The following MAD1L1 variants were observed in gnomAD, a reference collection of about 807,000 sequenced individuals.
MAD1L1 encodes mitotic spindle assembly checkpoint protein MAD1.
A neutral mutation model predicts 96.9 loss-of-function variants in MAD1L1; 95 were observed. The observed-to-expected ratio is 0.98, with a 90% CI of 0.83 to 1.16. The LOEUF (loss-of-function observed/expected upper bound fraction) is 1.16, where lower values mean the gene tolerates loss of function less well. Among genes scored for constraint, MAD1L1 ranks in the 50% most tolerant of loss-of-function variants. The probability of loss-of-function intolerance (pLI) is 0.00; values close to 1 mark genes in which losing one functional copy is unlikely to be tolerated. For synonymous variants in MAD1L1, 473 were observed against 396.6 expected, an observed-to-expected ratio of 1.19 and a Z score of -2.29; for missense variants, 1,007 against 954.4, an observed-to-expected ratio of 1.06 and a Z score of -0.73.
rs202247127 is a variant in MAD1L1, at chr7:1,898,201, T to G, written c.1997A>C (p.Lys666Thr). ...AEHPGDCLIF[K>T]ATSPSGSKMQ... Reference sequence around the variant, plus strand: ...AGAGCCGTCACACGCAGGACCCACCTTGAAGATGAGGCAGTCGCCTGGGTG... The same window carrying G: ...AGAGCCGTCACACGCAGGACCCACCGTGAAGATGAGGCAGTCGCCTGGGTG... The change falls in exon 18 of 19, where the codon AAG (lysine) becomes ACG (threonine). Residue 666 changes from lysine to threonine, a missense_variant and splice_region_variant. By Grantham distance (78) the Lys-to-Thr change is moderately conservative. Transcript: ENST00000265854. 6 of 1,606,662 alleles carry G rather than the reference T, an allele frequency of 3.7e-6. No homozygotes were observed. The African/African-American group carries it at 6.7e-5, about 18-fold the overall frequency.
intron 18 of MAD1L1, among the ~76,000 whole-genome samples, chr7:1,882,171 G>C (rs572898502): frequency 6.6e-6 from 1 of 152,338 alleles, no homozygotes; most frequent in East Asian, 1.9e-4. Flanking sequence ...TCACCTTACT[G>C]CAAGTACCCC....
intron 10 of MAD1L1, among the ~76,000 whole-genome samples, chr7:2,200,904 G>A (rs575204631): frequency 6.4e-4 from 98 of 152,302 alleles, no homozygotes; most frequent in African/African-American, 2.1e-3. Flanking sequence ...AGCGGGATGC[G>A]GGTGCCGAGT....
Position 2,103,662 on chromosome 7 carries a change from G to T in MAD1L1, c.1074-34324C>A, listed in dbSNP as rs1786935350. ...AACACTGAGACTCGATCCCACAGGG[G>T]AGAAGGAGGGAGCGGCCACGAGGAG... is the stretch of plus-strand genomic sequence containing the variant. On this transcript the variant is annotated intron_variant, in intron 11 of 18. Transcript: ENST00000265854. This position sits in a 1 kb window ranked among gnomAD's most constrained non-coding sequence, Gnocchi z 4.3. Among the ~76,000 whole-genome samples, 1 of 152,188 alleles carries T rather than the reference G, an allele frequency of 6.6e-6. No homozygotes were observed. Among genetic ancestry groups the T allele is most frequent in the South Asian group, 2.1e-4 (1 of 4,828 alleles).
At chr7:1,890,199 T>C (rs897361887) in intron 18 of MAD1L1, among the ~76,000 whole-genome samples, 1 of 152,226 alleles carries the variant, frequency 6.6e-6, no homozygotes, top group Non-Finnish European at 1.5e-5. Context: ...CGTGTTCTGG[T>C]GTGGGTACTG....
At chr7:2,158,269 T>G (rs1789936800) in intron 10 of MAD1L1, among the ~76,000 whole-genome samples, 1 of 152,188 alleles carries the variant, frequency 6.6e-6, no homozygotes, top group South Asian at 2.1e-4. Flanking sequence ...AAGCCACAGC[T>G]ATTTTGGGGC....
At chr7:2,148,255 C>T (rs1458800162) in intron 11 of MAD1L1, 3 of 152,472 alleles carry the variant, frequency 2.0e-5, no homozygotes, top group African/African-American at 7.2e-5. Flanking sequence ...GCTTGATCAT[C>T]AATGGCAAAC....
At chr7:1,901,423 G>T (rs1270578951) in intron 17 of MAD1L1, among the ~76,000 whole-genome samples, 3 of 152,226 alleles carry the variant, frequency 2.0e-5, no homozygotes, top group Admixed American at 6.5e-5. Context: ...GACCCCAGAA[G>T]CCAGTGGCAG....
At chr7:2,185,670 C>A (rs1375489941) in intron 10 of MAD1L1, among the ~76,000 whole-genome samples, 1 of 151,654 alleles carries the variant, frequency 6.6e-6, no homozygotes, top group Non-Finnish European at 1.5e-5. Flanking sequence ...GATTTCTAAA[C>A]AAGTTTCATG....
At chr7:1,917,985 G>A (rs1788520220) in intron 17 of MAD1L1, among the ~76,000 whole-genome samples, 1 of 152,182 alleles carries the variant, frequency 6.6e-6, no homozygotes. Flanking sequence ...CAGACTAGAT[G>A]TGGGGCTGGG....
intron 15 of MAD1L1, among the ~76,000 whole-genome samples, chr7:1,973,831 G>A (rs1780511601): frequency 6.6e-6 from 1 of 152,222 alleles, no homozygotes; most frequent in South Asian, 2.1e-4. Context: ...CTGGACCAGA[G>A]AGCCAGAGCT....
chr7:1,941,577 G>A (rs762577985), intron 16 of MAD1L1, among the ~76,000 whole-genome samples: 14 of 152,340 alleles, frequency 9.2e-5, no homozygotes, highest in Admixed American at 3.9e-4. Context: ...CAAAGCCACC[G>A]TGTCCGGGCT....
intron 15 of MAD1L1, among the ~76,000 whole-genome samples, chr7:1,964,758 A>T (rs6946691): frequency 0.86 from 131,312 of 152,210 alleles, 57,885 homozygotes; most frequent in Non-Finnish European, 0.96. Flanking sequence ...GGTAGCCGGG[A>T]TCTTGCTTAT....
At chr7:2,029,613 T>G (rs1783130457) in intron 12 of MAD1L1, among the ~76,000 whole-genome samples, 1 of 152,174 alleles carries the variant, frequency 6.6e-6, no homozygotes, top group African/African-American at 2.4e-5. Flanking sequence ...TTGAAGAGCT[T>G]GGCTGTGGTT....
At chr7:1,996,521 C>T (rs529082421) in intron 14 of MAD1L1, among the ~76,000 whole-genome samples, 2 of 152,344 alleles carry the variant, frequency 1.3e-5, no homozygotes, top group South Asian at 2.1e-4. Context: ...GCCCTGCTCA[C>T]GGTCGCCAGA....
intron 11 of MAD1L1, among the ~76,000 whole-genome samples, chr7:2,130,015 T>C (rs1179438657): frequency 6.6e-6 from 1 of 152,114 alleles, no homozygotes; most frequent in African/African-American, 2.4e-5. Flanking sequence ...GGGATGGGGT[T>C]AAAAGCACCT....
intron 10 of MAD1L1, among the ~76,000 whole-genome samples, chr7:2,166,558 C>A (rs1790438129): frequency 1.3e-5 from 2 of 152,224 alleles, no homozygotes; most frequent in South Asian, 4.1e-4. Context: ...AAAAGCTGAT[C>A]TTTTGAATGC....
At chr7:1,874,406 G>A in intron 18 of MAD1L1, 1 of 412,114 alleles carries the variant, frequency 2.4e-6, no homozygotes, top group Admixed American at 3.0e-5. Flanking sequence ...GGGTAAGACG[G>A]TGGCCAGGCC....
intron 18 of MAD1L1, among the ~76,000 whole-genome samples, chr7:1,881,692 G>C (rs1455700609): frequency 6.6e-6 from 1 of 152,202 alleles, no homozygotes; most frequent in African/African-American, 2.4e-5. Flanking sequence ...CGAAGGGACA[G>C]AGCAGGAAAC....
At chr7:1,816,850 G>A (rs1399630312) in intron 18 of MAD1L1, 1 of 151,954 alleles carries the variant, frequency 6.6e-6, no homozygotes, top group Non-Finnish European at 1.5e-5. Context: ...GTGGGGAGTG[G>A]ACAGAGGCCC....
Sources: allele counts gnomAD v4.1 joint callset (sites outside exome capture counted in the v4.1 genomes callset), GRCh38; gene constraint gnomAD v4.1.1; non-coding constraint Gnocchi (gnomAD v3.1); transcripts MANE v1.5; gene names NCBI Gene and HGNC (gene_info 2026-07-23, HGNC 2026-07-21).